ZNF541: variants seen among roughly 807,000 people sequenced by gnomAD.
The protein encoded by ZNF541 is zinc finger protein 541.
A neutral mutation model predicts 123.5 loss-of-function variants in ZNF541; 23 were observed. The ratio of observed to expected loss-of-function variants is 0.19; its 90% confidence interval spans 0.13 to 0.26. The LOEUF (loss-of-function observed/expected upper bound fraction) is 0.26. Ranked by LOEUF, ZNF541 falls within the 10% of genes least tolerant of loss-of-function variation. ZNF541 has a pLI of 1.00. For synonymous variants in ZNF541, 751 were observed against 754.5 expected (o/e 1.00, Z 0.08); for missense variants, 1,612 against 1,789.9 (o/e 0.90, Z 1.79).
rs1970016791 is a variant in ZNF541, at chr19:47,540,166, C to T, written c.2622+10G>A. ...CAGTAACCACCAAGCCACTGGTCGT[C>T]CCCCTTCACCTGCGGTTCCTGCTTC... On this transcript the variant is annotated intron_variant, in intron 7 of 16. Transcript: ENST00000391901. The T allele has an allele frequency of 3.9e-6, 6 of 1,548,130 alleles. No homozygotes were observed. Among genetic ancestry groups the T allele is most frequent in the African/African-American group, 1.4e-5 (1 of 72,962 alleles).
chr19:47,527,120 G>A (rs1969335369), intron 14 of ZNF541, among the ~76,000 whole-genome samples: 1 of 152,154 alleles, frequency 6.6e-6, no homozygotes. Context: ...GCAAACTCTA[G>A]GAAATGAAAA....
chr19:47,562,246 A>C lies in ZNF541; in HGVS notation c.-98-6292T>G, dbSNP rs907014865. 5.7e-5 allele frequency among the ~76,000 whole-genome samples: 8 copies of C among 141,338 alleles called. No individual in the cohort carries two copies. In the East Asian group the frequency reaches 1.1e-3, roughly 19 times the overall value. The allele number at this position is 141,338 out of a possible 152,430, so 92.7% of individuals were successfully genotyped here. On this transcript the variant is annotated intron_variant, in intron 2 of 16. Coordinates refer to ENST00000391901, the MANE Select transcript of ZNF541 (RefSeq NM_001277075.3). ...CCTGGGCGACAGAGACTGTCTCCCC[A>C]AAAAAAACAAAAACAGGCCAGGCGC...
rs572657043 is a variant in ZNF541, at chr19:47,538,318, C to T, written c.2918G>A (p.Arg973His). The T allele has an allele frequency of 7.8e-6, 12 of 1,544,560 alleles. No individual in the cohort carries two copies. The highest frequency in any genetic ancestry group is 4.0e-5 in the Admixed American group (2 of 50,446). Residue 973 changes from arginine to histidine, a missense_variant, in exon 9 of 17, where the codon CGC (arginine) becomes CAC (histidine). Transcript: ENST00000391901. ...CACCAGGAACATGGGTGACCGCAGG[C>T]GGCTCTGGTGGCATCCTGCAGGGCC... is the stretch of plus-strand genomic sequence containing the variant. The part of the protein sequence containing the change: ...EPGPAGCHQS[R>H]LRSPMFLVDC...
chr19:47,536,560 C>T (rs71363743), intron 9 of ZNF541, among the ~76,000 whole-genome samples: 1 of 152,056 alleles, frequency 6.6e-6, no homozygotes, highest in Non-Finnish European at 1.5e-5. Flanking sequence ...TGAGACCAGT[C>T]TGGGCAACAT....
At chr19:47,529,748 C>A in intron 12 of ZNF541, 96 bp from the exon 13 acceptor site, 2 of 1,157,788 alleles carry the variant, frequency 1.7e-6, no homozygotes, top group Non-Finnish European at 1.2e-6. Context: ...GCGGCTGTCC[C>A]TGAAGACACT....
chr19:47,525,228 T>C (rs1168442789), intron 14 of ZNF541, among the ~76,000 whole-genome samples: 1 of 151,050 alleles, frequency 6.6e-6, no homozygotes, highest in African/African-American at 2.4e-5. Flanking sequence ...GACGTTGCAG[T>C]GAGTGAAGAG....
At chr19:47,532,078 TG>T in intron 11 of ZNF541, 49 bp downstream of exon 11, 1 of 1,542,598 alleles carries the variant, frequency 6.5e-7, no homozygotes, top group Non-Finnish European at 8.8e-7. Context: ...ACCCTGGAAA[TG>T]GAGGGGGAAG....
chr19:47,558,056 A>G (rs1166422862), intron 2 of ZNF541, among the ~76,000 whole-genome samples: 1 of 152,140 alleles, frequency 6.6e-6, no homozygotes, highest in Non-Finnish European at 1.5e-5. Context: ...GACTCATAGT[A>G]CTGCAACTAG....
In ZNF541 at chr19:47,544,584, C is replaced by T. The variant is rs567345337; in HGVS notation, c.1945G>A (p.Gly649Arg). 45 of 1,551,428 alleles carry T rather than the reference C, an allele frequency of 2.9e-5. No homozygotes were observed. Among genetic ancestry groups the T allele is most frequent in the Middle Eastern group, 1.7e-4 (1 of 6,014 alleles). ...SPGSTRRDAK[G>R]GLKVAAVPTP... ...GGAACCGCGGCCACTTTCAGTCCCC[C>T]CTTTGCGTCTCGTCTCGTGCTGCCG... is the stretch of plus-strand genomic sequence containing the variant. Residue 649 changes from glycine to arginine, a missense_variant, in exon 5 of 17, where the codon GGG (glycine) becomes AGG (arginine). This residue lies in a region of ZNF541 where 1,080 missense variants were observed against 1,013.8 expected (regional missense o/e 1.07). Transcript: ENST00000391901.
chr19:47,540,238 T>C lies in ZNF541; in HGVS notation c.2560A>G (p.Ser854Gly). 1 of 1,551,770 alleles carries C rather than the reference T, an allele frequency of 6.4e-7. No individual in the cohort carries two copies. Among genetic ancestry groups the C allele is most frequent in the South Asian group, 1.2e-5 (1 of 84,066 alleles). The change falls in exon 7 of 17, where the codon AGC becomes GGC. Residue 854 changes from serine (S) to glycine (G), a missense_variant. By Grantham distance (56) the Ser-to-Gly change is moderately conservative (BLOSUM62 0). Transcript: ENST00000391901. ...SQMFYTEKGL[S>G]SHMCFHSDQW... ...TCGCTGTGAAAACACATGTGGCTGC[T>C]CAGCCCTTTCTCCGTATAAAACATC...
chr19:47,551,482 C>T (rs917066148), intron 3 of ZNF541, among the ~76,000 whole-genome samples: 1 of 151,998 alleles, frequency 6.6e-6, no homozygotes, highest in Non-Finnish European at 1.5e-5. Context: ...AGCAGTCCTT[C>T]TGACTCAGCC....
chr19:47,559,856 A>C (rs1223045363), intron 2 of ZNF541, among the ~76,000 whole-genome samples: 1 of 151,758 alleles, frequency 6.6e-6, no homozygotes. Flanking sequence ...TCTCAAAAAA[A>C]AAAAAAAAAA....
chr19:47,570,822 C>A (rs1191648683), intron 2 of ZNF541, among the ~76,000 whole-genome samples: 4 of 151,350 alleles, frequency 2.6e-5, no homozygotes, highest in African/African-American at 7.3e-5. Context: ...GTGGTGCACG[C>A]CTGCAGTCCC....
intron 2 of ZNF541, among the ~76,000 whole-genome samples, chr19:47,570,606 TTTTG>T (rs1971442569): frequency 6.7e-6 from 1 of 148,464 alleles, no homozygotes; most frequent in Non-Finnish European, 1.5e-5. Context: ...AAAAAGCGCA[TTTTG>T]TTTTTTTGTT....
chr19:47,564,736 A>G (rs368415468), intron 2 of ZNF541, among the ~76,000 whole-genome samples: 7 of 152,234 alleles, frequency 4.6e-5, no homozygotes, highest in Admixed American at 4.6e-4. Context: ...CAGCCACTAT[A>G]GAAAACAGTG....
chr19:47,569,475 C>T (rs907908855), intron 2 of ZNF541, among the ~76,000 whole-genome samples: 1 of 152,042 alleles, frequency 6.6e-6, no homozygotes, highest in Non-Finnish European at 1.5e-5. Flanking sequence ...TTTCGAAACC[C>T]TTACGCTTGC....
At chr19:47,537,398 T>C (rs1170345311) in intron 9 of ZNF541, among the ~76,000 whole-genome samples, 1 of 151,434 alleles carries the variant, frequency 6.6e-6, no homozygotes, top group Non-Finnish European at 1.5e-5. Flanking sequence ...ATCCCATCTC[T>C]ACTAAAAATA....
chr19:47,537,734 G>A (rs970013665), intron 9 of ZNF541, among the ~76,000 whole-genome samples: 2 of 151,912 alleles, frequency 1.3e-5, no homozygotes, highest in Non-Finnish European at 2.9e-5. Flanking sequence ...AATTAGCCAG[G>A]TGTGGTGATG....
intron 14 of ZNF541, 113 bp downstream of exon 14, chr19:47,528,837 G>T: frequency 1.4e-6 from 1 of 729,108 alleles, no homozygotes; most frequent in Non-Finnish European, 2.3e-6. Flanking sequence ...CAGTAAGAGT[G>T]CTGCCACAGG....
Sources: gnomAD v4.1 joint callset for allele counts (sites outside exome capture counted in the v4.1 genomes callset) on GRCh38, gnomAD v4.1.1 for gene constraint, gnomAD v4.1.1 regional missense constraint, MANE v1.5 for transcripts, NCBI Gene and HGNC (gene_info 2026-07-23, HGNC 2026-07-21) for gene names.